The following SH3PXD2A variants were observed in gnomAD, a reference collection of about 807,000 sequenced individuals.
SH3PXD2A encodes SH3 and PX domain-containing protein 2A.
In SH3PXD2A, 32 loss-of-function variants were observed where a neutral mutation model predicts 115.2. That is an observed-to-expected ratio of 0.28 (90% CI 0.21 to 0.37). The LOEUF (loss-of-function observed/expected upper bound fraction) is 0.37, where lower values mean the gene tolerates loss of function less well. Among genes scored for constraint, SH3PXD2A ranks in the 10% least tolerant of loss-of-function variants. The probability of loss-of-function intolerance (pLI) is 1.00; values close to 1 mark genes in which losing one functional copy is unlikely to be tolerated. For missense variants in SH3PXD2A, 1,328 were observed against 1,498.7 expected, an observed-to-expected ratio of 0.89 and a Z score of 1.88; for synonymous variants, 610 against 629.1, an observed-to-expected ratio of 0.97 and a Z score of 0.45.
At chr10:103,775,025 C>G (rs1034536181) in intron 2 of SH3PXD2A, among the ~76,000 whole-genome samples, 1 of 152,156 alleles carries the variant, frequency 6.6e-6, no homozygotes, top group Non-Finnish European at 1.5e-5. Context: ...TAGTGGCCCC[C>G]CAGATAGGCC....
intron 3 of SH3PXD2A, chr10:103,755,082 C>T (rs2038624378): frequency 6.6e-6 from 1 of 152,202 alleles, no homozygotes; most frequent in Non-Finnish European, 1.5e-5. Flanking sequence ...AGATGATGGC[C>T]ACACTGCTGA....
Position 103,803,278 on chromosome 10 carries a change from C to T in SH3PXD2A, c.73-1916G>A, listed in dbSNP as rs531727232. Among the ~76,000 whole-genome samples, 100 of 152,258 alleles carry T rather than the reference C, an allele frequency of 6.6e-4. 1 individual carries two copies. Among genetic ancestry groups the T allele is most frequent in the African/African-American group, 2.4e-3 (100 of 41,534 alleles). ...TGATACAGAACATAAGGTAAAAGGC[C>T]ACCCCTATCTTCATCAGCTCAAAAT... On this transcript the variant is annotated intron_variant, in intron 1 of 14. Coordinates refer to ENST00000369774, the MANE Select transcript of SH3PXD2A (RefSeq NM_001394015.1).
intron 2 of SH3PXD2A, among the ~76,000 whole-genome samples, chr10:103,797,057 T>C (rs1471378600): frequency 6.6e-6 from 1 of 151,954 alleles, no homozygotes; most frequent in East Asian, 1.9e-4. Context: ...AGAGACGGGA[T>C]CTTGCCGCAT....
At position 103,666,193 on chromosome 10, in the gene SH3PXD2A, C is replaced by T. The variant is rs969462161; in HGVS notation, c.472+2415G>A. On this transcript the variant is annotated intron_variant, in intron 7 of 14. Coordinates refer to ENST00000369774, the MANE Select transcript of SH3PXD2A (RefSeq NM_001394015.1). The surrounding 1 kb of genome is among the most constrained non-coding windows in gnomAD (Gnocchi z 4.5). ...TGAGCTCCCCAAGTTCCTTGATCCCCGTCCCCCACACCACCATTCAATACA... is the reference window on the plus strand; with the variant it reads ...TGAGCTCCCCAAGTTCCTTGATCCCTGTCCCCCACACCACCATTCAATACA... Among the ~76,000 whole-genome samples the T allele has an allele frequency of 3.9e-5, 6 of 152,324 alleles. No homozygotes were observed. The highest frequency in any genetic ancestry group is 2.1e-4 in the South Asian group (1 of 4,818).
chr10:103,822,437 C>T (rs184822473), intron 1 of SH3PXD2A, among the ~76,000 whole-genome samples: 77 of 152,386 alleles, frequency 5.1e-4, no homozygotes, highest in African/African-American at 1.7e-3. Context: ...TACACAGGTT[C>T]TTCCCTGGCA....
intron 2 of SH3PXD2A, among the ~76,000 whole-genome samples, chr10:103,787,570 G>C (rs1032891626): frequency 6.6e-6 from 1 of 152,214 alleles, no homozygotes; most frequent in Non-Finnish European, 1.5e-5. Flanking sequence ...AAGATGAGCA[G>C]TGAAGCCCTG....
intron 3 of SH3PXD2A, among the ~76,000 whole-genome samples, chr10:103,745,227 G>T (rs566620939): frequency 2.5e-4 from 38 of 152,366 alleles, no homozygotes; most frequent in African/African-American, 7.9e-4. Context: ...AGACAGCAAA[G>T]CTGAGGGCTT....
At chr10:103,723,091 C>T (rs1306324446) in intron 5 of SH3PXD2A, among the ~76,000 whole-genome samples, 3 of 152,166 alleles carry the variant, frequency 2.0e-5, no homozygotes, top group Non-Finnish European at 2.9e-5. Flanking sequence ...GTGAATGGCA[C>T]CTCCAGAGCC....
chr10:103,785,069 C>A (rs2038968104), intron 2 of SH3PXD2A, among the ~76,000 whole-genome samples: 1 of 152,172 alleles, frequency 6.6e-6, no homozygotes. Context: ...CAGTTGATGG[C>A]AAAGGCTTGG....
chr10:103,822,715 C>T (rs1343763033), intron 1 of SH3PXD2A, among the ~76,000 whole-genome samples: 3 of 152,090 alleles, frequency 2.0e-5, no homozygotes, highest in Admixed American at 6.6e-5. Flanking sequence ...AGAGAATACC[C>T]CCTCTCTCCA....
chr10:103,695,261 T>C (rs1453831689), intron 5 of SH3PXD2A, among the ~76,000 whole-genome samples: 1 of 152,174 alleles, frequency 6.6e-6, no homozygotes, highest in Non-Finnish European at 1.5e-5. Flanking sequence ...TCTCCAGCTC[T>C]GAGCAGGTTG....
At chr10:103,628,467 T>C (rs1156818250) in intron 8 of SH3PXD2A, among the ~76,000 whole-genome samples, 3 of 151,972 alleles carry the variant, frequency 2.0e-5, no homozygotes, top group Admixed American at 6.6e-5. Flanking sequence ...GGGGCCTCAG[T>C]TGGGTCACTG....
chr10:103,629,808 C>T (rs2036751757), intron 8 of SH3PXD2A, among the ~76,000 whole-genome samples: 1 of 152,246 alleles, frequency 6.6e-6, no homozygotes, highest in South Asian at 2.1e-4. Flanking sequence ...GAATGCCCAA[C>T]AACCTTTCCC....
chr10:103,762,625 A>G (rs756864095), intron 3 of SH3PXD2A, among the ~76,000 whole-genome samples: 2 of 152,192 alleles, frequency 1.3e-5, no homozygotes, highest in African/African-American at 2.4e-5. Context: ...GAGAACTGCC[A>G]GTCCCACGTG....
Position 103,599,649 on chromosome 10 carries a change from A to G in SH3PXD2A, c.*2167T>C, listed in dbSNP as rs2036187968. On this transcript the variant is annotated 3_prime_UTR_variant, in exon 15 of 15. Coordinates refer to ENST00000369774, the MANE Select transcript of SH3PXD2A (RefSeq NM_001394015.1). ...GCACTTTGCTCTCTGGGTTTTTTCCATTCTACCTTATTTAAAGTGCATTAA... is the reference window on the plus strand; with the variant it reads ...GCACTTTGCTCTCTGGGTTTTTTCCGTTCTACCTTATTTAAAGTGCATTAA... The G allele has an allele frequency of 6.6e-6, 1 of 152,588 alleles. No individual in the cohort carries two copies. The highest frequency in any genetic ancestry group is 6.5e-5 in the Admixed American group (1 of 15,278). The allele number at this position is 152,588 out of a possible 1,614,324, so 9.5% of individuals were successfully genotyped here. A position where few individuals can be genotyped will look rare whatever the true frequency, so the allele number is the denominator to read the frequency against.
chr10:103,841,455 G>A (rs778311074), intron 1 of SH3PXD2A, among the ~76,000 whole-genome samples: 1 of 152,126 alleles, frequency 6.6e-6, no homozygotes, highest in Non-Finnish European at 1.5e-5. Flanking sequence ...TGTTTCCCCA[G>A]GAGGTCTCTT....
intron 7 of SH3PXD2A, among the ~76,000 whole-genome samples, chr10:103,664,544 C>T (rs1349683805): frequency 6.6e-6 from 1 of 152,238 alleles, no homozygotes; most frequent in Admixed American, 6.5e-5. Context: ...ATCTTAACTT[C>T]TGCACTGTAT....
At chr10:103,683,255 G>A (rs1375081170) in intron 6 of SH3PXD2A, among the ~76,000 whole-genome samples, 1 of 152,160 alleles carries the variant, frequency 6.6e-6, no homozygotes, top group Non-Finnish European at 1.5e-5. Context: ...GCTCACACCT[G>A]TAATCCTAGC....
intron 6 of SH3PXD2A, chr10:103,678,070 A>G: frequency 8.0e-7 from 1 of 1,256,576 alleles, no homozygotes. Context: ...AGAGATTTTT[A>G]GAAAAATTAC....
Sources: gnomAD v4.1 joint callset for allele counts (sites outside exome capture counted in the v4.1 genomes callset) on GRCh38, gnomAD v4.1.1 for gene constraint, Gnocchi (gnomAD v3.1) non-coding constraint, MANE v1.5 for transcripts, NCBI Gene and HGNC (gene_info 2026-07-23, HGNC 2026-07-21) for gene names.